Variants in MAGI2 observed in about 807,000 individuals in gnomAD.
The protein encoded by MAGI2 is membrane associated guanylate kinase, WW and PDZ domain containing 2.
In MAGI2, 35 loss-of-function variants were observed where a neutral mutation model predicts 133.3. The observed-to-expected ratio is 0.26, with a 90% CI of 0.20 to 0.35. The LOEUF (loss-of-function observed/expected upper bound fraction) is 0.35. Ranked by LOEUF, MAGI2 falls within the 10% of genes least tolerant of loss-of-function variation. The pLI is 1.00. For missense variants in MAGI2, 1,636 were observed against 1,863.4 expected, an observed-to-expected ratio of 0.88 and a Z score of 2.25; for synonymous variants, 729 against 710.6, an observed-to-expected ratio of 1.03 and a Z score of -0.41.
chr7:78,869,062 A>T (rs570482049), intron 2 of MAGI2, among the ~76,000 whole-genome samples: 3 of 152,232 alleles, frequency 2.0e-5, no homozygotes, highest in South Asian at 4.2e-4. Flanking sequence ...CCCAATACAT[A>T]CATTTTTAAA....
chr7:78,566,196 A>G (rs1185438497), intron 3 of MAGI2, among the ~76,000 whole-genome samples: 2 of 152,138 alleles, frequency 1.3e-5, no homozygotes, highest in Non-Finnish European at 2.9e-5. Flanking sequence ...TGGAGTTGGG[A>G]AAGCTGAGAG....
At chr7:78,331,915 T>G (rs970002497) in intron 9 of MAGI2, among the ~76,000 whole-genome samples, 19 of 152,228 alleles carry the variant, frequency 1.2e-4, no homozygotes, top group Non-Finnish European at 2.2e-4. Flanking sequence ...TAAATGTACA[T>G]TTAAGTGCAT....
intron 2 of MAGI2, among the ~76,000 whole-genome samples, chr7:78,959,990 T>C (rs1429976149): frequency 1.3e-5 from 2 of 152,114 alleles, no homozygotes; most frequent in Admixed American, 6.6e-5. Context: ...GAAAATATTA[T>C]GGCATCATAT....
intron 1 of MAGI2, among the ~76,000 whole-genome samples, chr7:79,075,041 A>G (rs1815338980): frequency 6.6e-6 from 1 of 152,200 alleles, no homozygotes; most frequent in Non-Finnish European, 1.5e-5. Flanking sequence ...TGGATGTAAG[A>G]TGGCTGCTTC....
rs1173182701 is a variant in MAGI2 at position 78,506,834 on chromosome 7, T to C, written c.755-5047A>G. 2.0e-5 allele frequency among the ~76,000 whole-genome samples: 3 copies of C among 152,306 alleles called. No individual in the cohort carries two copies. The East Asian group carries it at 5.8e-4, about 29-fold the overall frequency. ...ATACAGAATTATCCTAATAGAGAAGTCATTCAAGAAGCTTGGCTTTGGACA... is the reference window on the plus strand; with the variant it reads ...ATACAGAATTATCCTAATAGAGAAGCCATTCAAGAAGCTTGGCTTTGGACA... On this transcript the variant is annotated intron_variant, in intron 4 of 21. Coordinates refer to ENST00000354212, the MANE Select transcript of MAGI2 (RefSeq NM_012301.4).
chr7:78,614,343 G>T (rs1806831083), intron 3 of MAGI2: 1 of 150,218 alleles, frequency 6.7e-6, no homozygotes. Flanking sequence ...TCATGCTGAG[G>T]TTTCTAAAAA....
chr7:78,721,620 CA>C (rs1182246048), intron 2 of MAGI2, among the ~76,000 whole-genome samples: 1 of 151,772 alleles, frequency 6.6e-6, no homozygotes, highest in African/African-American at 2.4e-5. Flanking sequence ...CAATTTTTTC[CA>C]ACCTATTAAA....
At chr7:78,406,284 T>G (rs1797365747) in intron 6 of MAGI2, among the ~76,000 whole-genome samples, 2 of 152,030 alleles carry the variant, frequency 1.3e-5, no homozygotes, top group Admixed American at 1.3e-4. Context: ...TGGTAGTAAC[T>G]TGCTTCAAAT....
chr7:78,192,465 C>T (rs1316174232), intron 12 of MAGI2, among the ~76,000 whole-genome samples: 1 of 150,114 alleles, frequency 6.7e-6, no homozygotes, highest in South Asian at 2.1e-4. Context: ...CTGCTTTAAA[C>T]ATTTACATGA....
At chr7:78,539,587 G>C (rs999395946) in intron 3 of MAGI2, among the ~76,000 whole-genome samples, 5 of 152,108 alleles carry the variant, frequency 3.3e-5, no homozygotes, top group African/African-American at 4.8e-5. Context: ...TTCACAGGTT[G>C]TGTCATTATT....
At chr7:79,135,998 AG>A (rs1821401081) in intron 1 of MAGI2, among the ~76,000 whole-genome samples, 1 of 32,736 alleles carries the variant, frequency 3.1e-5, no homozygotes, top group Non-Finnish European at 1.2e-4. Flanking sequence ...AAAGAAAGAA[AG>A]AAAGAGAAAG....
intron 4 of MAGI2, among the ~76,000 whole-genome samples, chr7:78,508,817 A>C (rs1389299632): frequency 6.6e-6 from 1 of 152,122 alleles, no homozygotes; most frequent in Non-Finnish European, 1.5e-5. Flanking sequence ...GAAGTGGCTA[A>C]GTAAAATTGT....
chr7:78,898,442 C>G (rs1642908), intron 2 of MAGI2, among the ~76,000 whole-genome samples: 78,816 of 152,022 alleles, frequency 0.52, 22,055 homozygotes, highest in South Asian at 0.68. Context: ...AGAAAATGTC[C>G]TACATATACA....
chr7:78,781,940 G>T (rs1031000213), intron 2 of MAGI2, among the ~76,000 whole-genome samples: 10 of 152,190 alleles, frequency 6.6e-5, no homozygotes, highest in African/African-American at 2.4e-4. Flanking sequence ...TTAACCCCTT[G>T]GAAGTTCCTA....
intron 2 of MAGI2, among the ~76,000 whole-genome samples, chr7:78,871,732 GA>G (rs1017607984): frequency 6.6e-6 from 1 of 151,354 alleles, no homozygotes; most frequent in Admixed American, 6.6e-5. Context: ...ACCGTTGATG[GA>G]AAAAAAAGAG....
intron 2 of MAGI2, among the ~76,000 whole-genome samples, chr7:78,974,096 T>G (rs1804025870): frequency 6.6e-6 from 1 of 151,802 alleles, no homozygotes; most frequent in African/African-American, 2.4e-5. Context: ...CTTTCTAAAT[T>G]TGAAATGAAT....
chr7:78,993,023 T>A (rs1805943577), intron 2 of MAGI2, among the ~76,000 whole-genome samples: 1 of 152,070 alleles, frequency 6.6e-6, no homozygotes, highest in Non-Finnish European at 1.5e-5. Context: ...CTAAATTTTG[T>A]TAGTGTCACA....
At chr7:79,356,916 C>T (rs73157805) in intron 1 of MAGI2, among the ~76,000 whole-genome samples, 22,114 of 152,140 alleles carry the variant, frequency 0.15, 1,718 homozygotes, top group South Asian at 0.25. Flanking sequence ...AGAAGAAAAT[C>T]TAGCAAATTT....
At chr7:78,805,815 G>T (rs1583965933) in intron 2 of MAGI2, among the ~76,000 whole-genome samples, 1 of 152,208 alleles carries the variant, frequency 6.6e-6, no homozygotes, top group African/African-American at 2.4e-5. Context: ...GGGAATGGAG[G>T]TCTCCAGCCA....
Sources: gnomAD v4.1 joint callset for allele counts (sites outside exome capture counted in the v4.1 genomes callset) on GRCh38, gnomAD v4.1.1 for gene constraint, MANE v1.5 for transcripts, NCBI Gene and HGNC (gene_info 2026-07-23, HGNC 2026-07-21) for gene names.